The following ARMC3 variants were observed in gnomAD, a reference collection of about 807,000 sequenced individuals.
ARMC3 encodes the protein armadillo repeat-containing protein 3.
A neutral mutation model predicts 90.3 loss-of-function variants in ARMC3; 74 were observed. That is an observed-to-expected ratio of 0.82 (90% CI 0.68 to 0.99). The LOEUF is 0.99. ARMC3 is among the 50% of genes least tolerant of loss of function. The pLI, the probability that ARMC3 is intolerant of heterozygous loss-of-function variation, is 0.00. For synonymous variants in ARMC3, 334 were observed against 361.8 expected (o/e 0.92, Z 0.87); for missense variants, 958 against 1,042.8 (o/e 0.92, Z 1.12).
chr10:23,001,906 T>C lies in ARMC3; in HGVS notation c.1426-13T>C. On this transcript the variant is annotated splice_polypyrimidine_tract_variant and intron_variant, in intron 11 of 18. Transcript: ENST00000298032. The stretch of plus-strand genomic sequence containing the variant: ...ACACTCTTAATGTGTAACATTTTGG[T>C]TTCTGCTTTTAGTTAAGAAATTCTG... 6.2e-7 allele frequency: 1 copy of C among 1,612,160 alleles called. No individual in the cohort carries two copies. Among genetic ancestry groups the C allele is most frequent in the Non-Finnish European group, 8.5e-7 (1 of 1,179,200 alleles).
intron 16 of ARMC3, among the ~76,000 whole-genome samples, chr10:23,028,187 G>A (rs762941643): frequency 2.6e-5 from 4 of 152,106 alleles, no homozygotes; most frequent in Admixed American, 1.3e-4. Context: ...TGTTCTGGGT[G>A]TTGTTCAGAT....
In ARMC3 at chr10:22,959,110, T is replaced by A; in HGVS notation, c.333T>A (p.Asn111Lys). Residue 111 changes from asparagine (N) to lysine (K), a missense_variant, in exon 5 of 19, where the codon AAT (asparagine) becomes AAA (lysine). Physicochemically the swap from Asn to Lys is moderately conservative, Grantham distance 94 (BLOSUM62 0). Coordinates refer to ENST00000298032, the MANE Select transcript of ARMC3 (RefSeq NM_173081.5). ...KKLLRELDVM[N>K]SVIAQLAPEE... Reference sequence around the variant, plus strand: ...TGTTAAGGGAGTTAGATGTCATGAATTCTGTCATTGCCCAGCTCGCTCCAG... The same window carrying A: ...TGTTAAGGGAGTTAGATGTCATGAAATCTGTCATTGCCCAGCTCGCTCCAG... 1 of 1,613,518 alleles carries A rather than the reference T, an allele frequency of 6.2e-7. No individual in the cohort carries two copies. The highest frequency in any genetic ancestry group is 8.5e-7 in the Non-Finnish European group (1 of 1,179,424).
At position 23,006,980 on chromosome 10, in the gene ARMC3, G is replaced by A. The variant is rs375931697; in HGVS notation, c.1828G>A (p.Val610Ile). 1.7e-5 allele frequency: 28 copies of A among 1,601,196 alleles called. No homozygotes were observed. The highest frequency in any genetic ancestry group is 3.4e-5 in the Admixed American group (2 of 58,322). The change falls in exon 14 of 19, where the codon GTT becomes ATT. Residue 610 changes from valine to isoleucine, a missense_variant and splice_region_variant. By Grantham distance (29) the Val-to-Ile change is conservative (BLOSUM62 3). Transcript: ENST00000298032. Reference sequence around the variant, plus strand: ...ACTCTTAATCAACAGTAAATCTTACGTGTGAGTCTCTGCAGGGAGAGGGGA... The same window carrying A: ...ACTCTTAATCAACAGTAAATCTTACATGTGAGTCTCTGCAGGGAGAGGGGA... ...AVLLINSKSY[V>I]SPPSSMEDKS...
intron 16 of ARMC3, among the ~76,000 whole-genome samples, chr10:23,012,818 C>T (rs1376964623): frequency 6.6e-6 from 1 of 151,966 alleles, no homozygotes; most frequent in African/African-American, 2.4e-5. Flanking sequence ...TACTGTAAAT[C>T]CTCCCACTTT....
intron 10 of ARMC3, 88 bp downstream of exon 10, chr10:22,981,788 T>C (rs975061641): frequency 2.7e-6 from 3 of 1,124,952 alleles, no homozygotes; most frequent in African/African-American, 1.5e-5. Context: ...ACTTTCACGA[T>C]AGTCTATGAA....
intron 7 of ARMC3, among the ~76,000 whole-genome samples, chr10:22,966,548 G>A (rs1489054752): frequency 6.6e-6 from 1 of 152,192 alleles, no homozygotes; most frequent in Non-Finnish European, 1.5e-5. Context: ...GTTCTCTAGA[G>A]AAATAGAACC....
At chr10:22,960,042 C>T in intron 6 of ARMC3, 1 of 328,066 alleles carries the variant, frequency 3.0e-6, no homozygotes, top group South Asian at 2.5e-5. Context: ...TCCACAATAG[C>T]AAGATGCTAC....
At chr10:22,944,448 G>C (rs1466588291) in intron 2 of ARMC3, among the ~76,000 whole-genome samples, 1 of 152,006 alleles carries the variant, frequency 6.6e-6, no homozygotes, top group Non-Finnish European at 1.5e-5. Context: ...AATCATATCT[G>C]AAGTTCTACC....
rs1191295320 is a variant in ARMC3 at position 22,981,334 on chromosome 10, T to A, written c.917-6T>A. 6.3e-7 allele frequency: 1 copy of A among 1,593,202 alleles called. No individual in the cohort carries two copies. The highest frequency in any genetic ancestry group is 1.4e-5 in the African/African-American group (1 of 73,618). ...TCTGAATTTTTTTCCCTTTGGTGTA[T>A]GAAAGCTGAAAATAGAAAACTTTTT... On this transcript the variant is annotated splice_region_variant and splice_polypyrimidine_tract_variant and intron_variant, in intron 8 of 18. Coordinates refer to ENST00000298032, the MANE Select transcript of ARMC3 (RefSeq NM_173081.5).
intron 7 of ARMC3, 50 bp downstream of exon 7, chr10:22,962,128 A>G (rs748825626): frequency 2.3e-6 from 3 of 1,286,874 alleles, no homozygotes; most frequent in Non-Finnish European, 3.1e-6. Context: ...TATCTCTCCC[A>G]AATGTTTAAA....
chr10:22,999,827 G>A (rs776797907), intron 11 of ARMC3, among the ~76,000 whole-genome samples: 4 of 152,058 alleles, frequency 2.6e-5, no homozygotes, highest in Non-Finnish European at 5.9e-5. Context: ...TCCCTTGTTT[G>A]TTCCCATTGA....
intron 2 of ARMC3, among the ~76,000 whole-genome samples, chr10:22,933,263 A>T (rs1373038842): frequency 1.4e-5 from 2 of 148,134 alleles, no homozygotes; most frequent in Admixed American, 6.7e-5. Context: ...AGATTCTCTT[A>T]TTTTTTTTTT....
intron 2 of ARMC3, among the ~76,000 whole-genome samples, chr10:22,939,605 A>C (rs1834245422): frequency 6.6e-6 from 1 of 152,200 alleles, no homozygotes; most frequent in Non-Finnish European, 1.5e-5. Flanking sequence ...TAAATAGATT[A>C]ACCTGATCCA....
At chr10:23,029,591 A>G (rs1838842149) in intron 16 of ARMC3, among the ~76,000 whole-genome samples, 1 of 152,244 alleles carries the variant, frequency 6.6e-6, no homozygotes, top group Non-Finnish European at 1.5e-5. Context: ...GGAATATTCA[A>G]AAAAGATTGC....
intron 3 of ARMC3, among the ~76,000 whole-genome samples, chr10:22,949,161 TC>T (rs2131201118): frequency 6.6e-6 from 1 of 152,280 alleles, no homozygotes; most frequent in African/African-American, 2.4e-5. Context: ...TCAAGTTGTT[TC>T]CAAGTAACTT....
At chr10:22,936,358 A>C (rs1287418829) in intron 2 of ARMC3, among the ~76,000 whole-genome samples, 4 of 152,152 alleles carry the variant, frequency 2.6e-5, no homozygotes, top group African/African-American at 9.7e-5. Context: ...AGTGCTAAAG[A>C]ACTGCTTGTG....
intron 10 of ARMC3, among the ~76,000 whole-genome samples, chr10:22,997,512 C>G (rs1234540065): frequency 1.3e-5 from 2 of 152,174 alleles, no homozygotes; most frequent in Admixed American, 1.3e-4. Context: ...ATATACATAT[C>G]ATGACTTTGA....
intron 2 of ARMC3, among the ~76,000 whole-genome samples, chr10:22,936,406 C>A (rs1161562131): frequency 6.6e-6 from 1 of 152,138 alleles, no homozygotes; most frequent in Non-Finnish European, 1.5e-5. Context: ...AAAATCAGAA[C>A]GTTTTCATTG....
intron 3 of ARMC3, among the ~76,000 whole-genome samples, chr10:22,949,652 A>G (rs1027747823): frequency 6.6e-6 from 1 of 152,200 alleles, no homozygotes; most frequent in African/African-American, 2.4e-5. Flanking sequence ...GTGTAATTGG[A>G]GTCTCTGAAA....
Sources: gnomAD v4.1 joint callset for allele counts (sites outside exome capture counted in the v4.1 genomes callset) on GRCh38, gnomAD v4.1.1 for gene constraint, MANE v1.5 for transcripts, NCBI Gene and HGNC (gene_info 2026-07-23, HGNC 2026-07-21) for gene names.